The following PDE12 variants were observed in gnomAD, a reference collection of about 807,000 sequenced individuals.
The protein encoded by PDE12 is 2',5'-phosphodiesterase 12.
A neutral mutation model predicts 45.4 loss-of-function variants in PDE12; 26 were observed. The ratio of observed to expected loss-of-function variants is 0.57; its 90% CI spans 0.42 to 0.79. The LOEUF (loss-of-function observed/expected upper bound fraction) is 0.79, where lower values mean the gene tolerates loss of function less well. PDE12 is among the 30% of genes least tolerant of loss of function. PDE12 has a pLI of 0.00. For synonymous variants in PDE12, 283 were observed against 323.9 expected, an observed-to-expected ratio of 0.87 and a Z score of 1.36; for missense variants, 668 against 790.0, an observed-to-expected ratio of 0.85 and a Z score of 1.85.
the PDE12 span, among the ~76,000 whole-genome samples, chr3:57,629,539 T>C: frequency 7.8e-6 from 1 of 128,616 alleles, no homozygotes; most frequent in Non-Finnish European, 1.6e-5. Context: ...TGAGACGGAG[T>C]CTCGCTCTGT....
chr3:57,621,416 T>A, the PDE12 span, among the ~76,000 whole-genome samples: 1 of 152,222 alleles, frequency 6.6e-6, no homozygotes, highest in Non-Finnish European at 1.5e-5. Flanking sequence ...ACGCCTGTAA[T>A]CCCAGCACTT....
the PDE12 span, among the ~76,000 whole-genome samples, chr3:57,611,713 A>G: frequency 2.6e-5 from 4 of 152,220 alleles, no homozygotes; most frequent in Non-Finnish European, 5.9e-5. Flanking sequence ...TAGAATGGCA[A>G]TCATTAAAAC....
chr3:57,601,219 C>T, the PDE12 span, among the ~76,000 whole-genome samples: 1 of 152,054 alleles, frequency 6.6e-6, no homozygotes, highest in Non-Finnish European at 1.5e-5. Context: ...CAGCGATTCT[C>T]CTGTATCAGC....
the PDE12 span, among the ~76,000 whole-genome samples, chr3:57,622,168 T>C: frequency 6.6e-6 from 1 of 152,100 alleles, no homozygotes; most frequent in Non-Finnish European, 1.5e-5. Flanking sequence ...AGAGTGAGAC[T>C]CTGTCTCAAA....
the PDE12 span, among the ~76,000 whole-genome samples, chr3:57,635,644 G>A: frequency 1.5e-3 from 225 of 152,214 alleles, no homozygotes; most frequent in African/African-American, 5.1e-3. Flanking sequence ...AGATCAAACT[G>A]CTAATTGTGG....
the PDE12 span, among the ~76,000 whole-genome samples, chr3:57,644,398 T>G: frequency 1.3e-5 from 2 of 151,760 alleles, no homozygotes; most frequent in African/African-American, 2.4e-5. Flanking sequence ...CTCTGCCTCC[T>G]AGGCTCAAGC....
At chr3:57,569,686 C>T (rs2069817337), downstream of PDE12, among the ~76,000 whole-genome samples, 1 of 151,732 alleles carries the variant, frequency 6.6e-6, no homozygotes, top group East Asian at 1.9e-4. Context: ...ATAAAAATTA[C>T]CTGGGCATGG....
chr3:57,575,140 G>A, the PDE12 span, among the ~76,000 whole-genome samples: 1 of 147,024 alleles, frequency 6.8e-6, no homozygotes, highest in African/African-American at 2.5e-5. Context: ...ATGAGCCACC[G>A]CACCCAGCCC....
the PDE12 span, among the ~76,000 whole-genome samples, chr3:57,638,588 G>A: frequency 6.6e-6 from 1 of 152,048 alleles, no homozygotes; most frequent in Non-Finnish European, 1.5e-5. Context: ...AACCCGGGAG[G>A]TGGAGGTTGC....
At chr3:57,567,200 T>A (rs564848816), downstream of PDE12, among the ~76,000 whole-genome samples, 2 of 152,038 alleles carry the variant, frequency 1.3e-5, no homozygotes, top group South Asian at 4.1e-4. Flanking sequence ...TAGTCCCAGC[T>A]AATCCGGAGA....
rs1035690017 is a variant in PDE12 at position 57,564,962 on chromosome 3, T to C, written c.*4958T>C. ...TCCCAAAGTGCTGATATTACAGACA[T>C]GAGCCACCCCACCCAGTCAGCACAC... On this transcript the variant is annotated 3_prime_UTR_variant, in exon 3 of 3. Transcript: ENST00000311180. 1.3e-5 allele frequency: 2 copies of C among 151,222 alleles called. No homozygotes were observed. The highest frequency in any genetic ancestry group is 2.9e-5 in the Non-Finnish European group (2 of 67,930). The allele number at this position is 151,222 out of a possible 1,614,324, so 9.4% of individuals were successfully genotyped here.
chr3:57,655,861 C>A, the PDE12 span, among the ~76,000 whole-genome samples: 1 of 152,184 alleles, frequency 6.6e-6, no homozygotes, highest in Non-Finnish European at 1.5e-5. Context: ...GCGTAAGACT[C>A]ATACCCAGAA....
At chr3:57,567,609 T>C (rs2069797789), downstream of PDE12, among the ~76,000 whole-genome samples, 1 of 152,194 alleles carries the variant, frequency 6.6e-6, no homozygotes, top group Non-Finnish European at 1.5e-5. Flanking sequence ...GAATGCAATG[T>C]CACATGTATA....
the PDE12 span, among the ~76,000 whole-genome samples, chr3:57,587,649 C>T: frequency 6.6e-6 from 1 of 151,968 alleles, no homozygotes; most frequent in Non-Finnish European, 1.5e-5. Flanking sequence ...AAGACGACTG[C>T]TTGAGGGCTT....
chr3:57,634,710 T>G, the PDE12 span: 1 of 1,559,148 alleles, frequency 6.4e-7, no homozygotes, highest in Non-Finnish European at 8.7e-7. Context: ...ATACCAGGTT[T>G]GGAATCCAGA....
the PDE12 span, among the ~76,000 whole-genome samples, chr3:57,593,478 T>C: frequency 6.6e-6 from 1 of 152,146 alleles, no homozygotes; most frequent in African/African-American, 2.4e-5. Context: ...CCTGAACATC[T>C]CTAGACCCCC....
At chr3:57,643,180 T>C in the PDE12 span, among the ~76,000 whole-genome samples, 5 of 151,958 alleles carry the variant, frequency 3.3e-5, no homozygotes, top group African/African-American at 1.2e-4. Context: ...TTTTAGGATA[T>C]CAAACTGACA....
the PDE12 span, chr3:57,630,524 C>T: frequency 6.3e-7 from 1 of 1,585,942 alleles, no homozygotes; most frequent in Non-Finnish European, 8.5e-7. Context: ...TAGGAAATGC[C>T]TATAAAAATA....
At chr3:57,639,285 G>A in the PDE12 span, among the ~76,000 whole-genome samples, 1 of 152,186 alleles carries the variant, frequency 6.6e-6, no homozygotes. Context: ...GAGATGTTAA[G>A]AAATAGGAAC....
Sources: allele counts gnomAD v4.1 joint callset (sites outside exome capture counted in the v4.1 genomes callset), GRCh38; gene constraint gnomAD v4.1.1; transcripts MANE v1.5; gene names NCBI Gene and HGNC (gene_info 2026-07-23, HGNC 2026-07-21).